The following ANK1 variants were observed in gnomAD, a reference collection of about 807,000 sequenced individuals.
The protein encoded by ANK1 is ankyrin-1.
Under a neutral mutation model 210.4 loss-of-function variants are expected in ANK1, and 51 were observed. The observed-to-expected ratio is 0.24, with a 90% CI of 0.19 to 0.31. The LOEUF (loss-of-function observed/expected upper bound fraction) is 0.31, where lower values mean the gene tolerates loss of function less well. ANK1 is among the 10% of genes least tolerant of loss of function. ANK1 has a pLI of 1.00. For missense variants in ANK1, 2,051 were observed against 2,504.4 expected, an observed-to-expected ratio of 0.82 and a Z score of 3.86; for synonymous variants, 967 against 1,025.9, an observed-to-expected ratio of 0.94 and a Z score of 1.10.
At chr8:41,784,481 T>C (rs1845960845) in intron 1 of ANK1, among the ~76,000 whole-genome samples, 1 of 152,244 alleles carries the variant, frequency 6.6e-6, no homozygotes, top group South Asian at 2.1e-4. Flanking sequence ...TACAATTCAA[T>C]GCTACCACCT....
intron 1 of ANK1, among the ~76,000 whole-genome samples, chr8:41,868,041 T>C (rs1814813589): frequency 6.6e-6 from 1 of 152,200 alleles, no homozygotes; most frequent in Non-Finnish European, 1.5e-5. Context: ...GTATTTTTAG[T>C]AAAGGCTGGG....
chr8:41,682,789 G>T (rs960032534), intron 37 of ANK1, among the ~76,000 whole-genome samples: 1 of 152,170 alleles, frequency 6.6e-6, no homozygotes, highest in Non-Finnish European at 1.5e-5. Flanking sequence ...AATCAAAAGC[G>T]TGCCCCTCTG....
rs1806672929 is a variant in ANK1, at chr8:41,831,661, AGAAAAAG to A, written c.126+64687_126+64693del. Among the ~76,000 whole-genome samples the A allele has an allele frequency of 4.6e-5, 7 of 150,772 alleles. 1 individual carries two copies. The highest frequency in any genetic ancestry group is 7.4e-5 in the Non-Finnish European group (5 of 67,710). ...TGTCAAAAAAAAAAAAAAAAGAAGA[AGAAAAAG>A]AAAAAAGGAATGAAAGGAAAGAAAA... On this transcript the variant is annotated intron_variant, in intron 1 of 42. Transcript: ENST00000265709.
Position 41,661,494 on chromosome 8 carries a change from C to A in ANK1, c.5615G>T (p.Arg1872Leu). The A allele has an allele frequency of 1.9e-6, 3 of 1,614,104 alleles. No homozygotes were observed. Among genetic ancestry groups the A allele is most frequent in the South Asian group, 2.2e-5 (2 of 91,076 alleles). Residue 1872 changes from arginine to leucine, a missense_variant, in exon 42 of 43, where the codon CGG becomes CTG. Arg to Leu is a moderately radical substitution (Grantham distance 102, BLOSUM62 -2). Transcript: ENST00000289734. ...CTGTTTCCCCCTTTTCAGGCTGGCCCGCTTCACTATCTGCGCCCCCTTCCT... is the reference window on the plus strand; with the variant it reads ...CTGTTTCCCCCTTTTCAGGCTGGCCAGCTTCACTATCTGCGCCCCCTTCCT... ...EGRKGAQIVK[R>L]ASLKRGKQ
intron 2 of ANK1, among the ~76,000 whole-genome samples, chr8:41,742,748 A>G (rs565568108): frequency 6.6e-6 from 1 of 152,328 alleles, no homozygotes; most frequent in Non-Finnish European, 1.5e-5. Context: ...TAGGCCCGAT[A>G]GCAGTGGCAG....
chr8:41,704,292 G>T lies in ANK1; in HGVS notation c.2196+82C>A. On this transcript the variant is annotated intron_variant, in intron 19 of 42. Transcript: ENST00000289734. This position sits in a 1 kb window ranked among gnomAD's most constrained non-coding sequence, Gnocchi z 4.1. ...CAGGGTCCATGGTCAAAACCCTAGT[G>T]CTCCCAGAGCAGCTCTGGCTTTACC... is the stretch of plus-strand genomic sequence containing the variant. The T allele has an allele frequency of 6.9e-7, 1 of 1,452,816 alleles. No homozygotes were observed. Among genetic ancestry groups the T allele is most frequent in the Non-Finnish European group, 9.7e-7 (1 of 1,034,666 alleles). 90.0% of individuals were successfully genotyped at this position (1,452,816 alleles called of 1,614,324 possible).
chr8:41,704,176 G>T lies in ANK1; in HGVS notation c.2197-37C>A, dbSNP rs745603998. ...GCAGACATTTAGGCAGGGTTAGCCA[G>T]CCACTAGACAGAGACCTGCCTACAC... On this transcript the variant is annotated intron_variant, in intron 19 of 42. Transcript: ENST00000289734. This position sits in a 1 kb window ranked among gnomAD's most constrained non-coding sequence, Gnocchi z 4.1. The T allele has an allele frequency of 6.3e-7, 1 of 1,582,152 alleles. No homozygotes were observed. The highest frequency in any genetic ancestry group is 2.2e-5 in the East Asian group (1 of 44,684).
Position 41,672,544 on chromosome 8 carries a change from C to T in ANK1, c.4906G>A (p.Asp1636Asn), listed in dbSNP as rs757733100. Reference sequence around the variant, plus strand: ...TGACCTTCCTCCTGTTCAAGCAAATCGATAAGGCCATTTGTGGCATCTGAA... The same window carrying T: ...TGACCTTCCTCCTGTTCAAGCAAATTGATAAGGCCATTTGTGGCATCTGAA... ...VDSDATNGLI[D>N]LLEQEEGQRS... The change falls in exon 38 of 43, where the codon GAT becomes AAT. Residue 1636 changes from aspartate (D) to asparagine (N), a missense_variant. By Grantham distance (23) the Asp-to-Asn change is conservative (BLOSUM62 1). Around this residue, in one of 6 missense-constraint regions of ANK1, gnomAD observed 496 missense variants for 533.4 expected, o/e 0.93. Coordinates refer to ENST00000289734, the MANE Select transcript of ANK1 (RefSeq NM_000037.4). 6 of 1,614,126 alleles carry T rather than the reference C, an allele frequency of 3.7e-6. No individual in the cohort carries two copies. The highest frequency in any genetic ancestry group is 2.7e-5 in the African/African-American group (2 of 74,944).
Position 41,690,543 on chromosome 8 carries a change from C to T in ANK1, c.3915G>A (p.Lys1305=). The change falls in exon 32 of 43, where the codon AAG becomes AAA. Residue 1305 remains lysine (K), a synonymous_variant. Transcript: ENST00000289734. ...AELSGNLVPV[K]KAAQQRSFHF... ...GGAAGCTCCGCTGCTGGGCAGCTTT[C>T]TTCACAGGCACCAGGTTCCCAGAGA... is the stretch of plus-strand genomic sequence containing the variant. 6.2e-7 allele frequency: 1 copy of T among 1,614,054 alleles called. No individual in the cohort carries two copies. The highest frequency in any genetic ancestry group is 8.5e-7 in the Non-Finnish European group (1 of 1,179,950).
At chr8:41,815,943 T>C (rs1447122275) in intron 1 of ANK1, among the ~76,000 whole-genome samples, 3 of 152,234 alleles carry the variant, frequency 2.0e-5, no homozygotes, top group Non-Finnish European at 4.4e-5. Flanking sequence ...CTTTATCTTA[T>C]TTGGAAATAA....
chr8:41,661,366 G>A (rs754827481), intron 42 of ANK1, 64 bp downstream of exon 42: 1 of 1,597,782 alleles, frequency 6.3e-7, no homozygotes, highest in South Asian at 1.1e-5. Context: ...GATAGGGTGA[G>A]ACAGGGAGCA....
chr8:41,664,760 G>A (rs749850150), intron 39 of ANK1: 17 of 1,545,554 alleles, frequency 1.1e-5, no homozygotes, highest in African/African-American at 6.8e-5. Flanking sequence ...CCCGGCCTCC[G>A]GCGCCCACAC....
Position 41,701,608 on chromosome 8 carries a change from C to T in ANK1, c.2403G>A (p.Lys801=), listed in dbSNP as rs147130318. 7,730 of 1,614,060 alleles carry T rather than the reference C, an allele frequency of 4.8e-3. 30 individuals carry two copies. The highest frequency in any genetic ancestry group is 5.6e-3 in the Non-Finnish European group (6,565 of 1,179,960). The change falls in exon 22 of 43, where the codon AAG becomes AAA. Residue 801 remains lysine, a synonymous_variant. Coordinates refer to ENST00000289734, the MANE Select transcript of ANK1 (RefSeq NM_000037.4). ...CTGTCTCAGGGAAACTCATTCGATG[C>T]TTATCACTGACTAACTAAAACGAGA... The part of the protein sequence containing the change: ...DETSFVLVSD[K]HRMSFPETVD...
intron 3 of ANK1, among the ~76,000 whole-genome samples, chr8:41,731,842 G>A (rs1236796433): frequency 2.6e-5 from 4 of 152,246 alleles, no homozygotes; most frequent in East Asian, 1.9e-4. Flanking sequence ...TTGAAGGCAC[G>A]CCAGGGCAGG....
At chr8:41,873,705 C>T (rs1386328987) in intron 1 of ANK1, among the ~76,000 whole-genome samples, 1 of 152,252 alleles carries the variant, frequency 6.6e-6, no homozygotes, top group Non-Finnish European at 1.5e-5. Context: ...AGCAGGGGCT[C>T]CTGCCATATT....
At chr8:41,747,393 GT>G (rs1836461583) in intron 2 of ANK1, among the ~76,000 whole-genome samples, 1 of 152,052 alleles carries the variant, frequency 6.6e-6, no homozygotes, top group Non-Finnish European at 1.5e-5. Context: ...TTGCCACACT[GT>G]ACCTTATTTC....
chr8:41,890,171 G>T (rs533588658), intron 1 of ANK1, among the ~76,000 whole-genome samples: 94 of 152,314 alleles, frequency 6.2e-4, no homozygotes, highest in African/African-American at 2.2e-3. Flanking sequence ...AATTTACAAA[G>T]CACATTCTCA....
intron 1 of ANK1, among the ~76,000 whole-genome samples, chr8:41,835,098 C>T (rs1156362824): frequency 1.3e-5 from 2 of 152,230 alleles, no homozygotes; most frequent in African/African-American, 2.4e-5. Context: ...CTACAAGGGG[C>T]GCAGGCCTAG....
At position 41,758,064 on chromosome 8, in the gene ANK1, T is replaced by C; in HGVS notation, c.101A>G (p.Asn34Ser). Residue 34 changes from asparagine to serine, a missense_variant, in exon 2 of 43, where the codon AAT becomes AGT. Transcript: ENST00000289734. Reference protein sequence around the residue: ...NLDKALDHLRNGVDINTCNQN... With the variant: ...NLDKALDHLRSGVDINTCNQN... ...GTTACAGGTGTTAATATCTACCCCA[T>C]TCCGCAGGTGATCCAAAGCTTTGTC... is the stretch of plus-strand genomic sequence containing the variant. 6.2e-7 allele frequency: 1 copy of C among 1,614,152 alleles called. No individual in the cohort carries two copies. Among genetic ancestry groups the C allele is most frequent in the Non-Finnish European group, 8.5e-7 (1 of 1,180,008 alleles).
Sources: allele counts gnomAD v4.1 joint callset (sites outside exome capture counted in the v4.1 genomes callset), GRCh38; gene constraint gnomAD v4.1.1; regional missense constraint gnomAD v4.1.1; non-coding constraint Gnocchi (gnomAD v3.1); transcripts MANE v1.5; gene names NCBI Gene and HGNC (gene_info 2026-07-23, HGNC 2026-07-21).